TRANK1: variants seen among roughly 807,000 people sequenced by gnomAD.
TRANK1 encodes the protein TPR and ankyrin repeat-containing protein 1.
A neutral mutation model predicts 266.0 loss-of-function variants in TRANK1; 198 were observed. The ratio of observed to expected loss-of-function variants is 0.74; its 90% CI spans 0.66 to 0.84. TRANK1 has a LOEUF of 0.84. Ranked by LOEUF, TRANK1 falls within the 40% of genes least tolerant of loss-of-function variation. The pLI is 0.00. For synonymous variants in TRANK1, 1,396 were observed against 1,384.1 expected (o/e 1.01, Z -0.19); for missense variants, 3,326 against 3,634.6 (o/e 0.92, Z 2.18).
chr3:36,908,163 C>G (rs934849504), intron 2 of TRANK1, among the ~76,000 whole-genome samples, 160 bp downstream of exon 2: 3 of 152,156 alleles, frequency 2.0e-5, no homozygotes, highest in Admixed American at 6.5e-5. Context: ...TTACACAATC[C>G]CTGTTCACTT....
At chr3:36,872,507 A>G (rs920097338) in intron 9 of TRANK1, among the ~76,000 whole-genome samples, 1 of 152,244 alleles carries the variant, frequency 6.6e-6, no homozygotes, top group South Asian at 2.1e-4. Context: ...TTTAAATGCA[A>G]TTCAAGAAGA....
At position 36,832,942 on chromosome 3, in the gene TRANK1, C is replaced by T. The variant is rs763908948; in HGVS notation, c.6641G>A (p.Arg2214Gln). The T allele has an allele frequency of 1.1e-5, 17 of 1,612,546 alleles. No individual in the cohort carries two copies. In the African/African-American group the frequency reaches 1.2e-4, roughly 11 times the overall value. ...ENCEHFHRPL[R>Q]RCEAKCLVQS... ...AACTAAACACTTGGCTTCACAACGC[C>T]GCAGAGGCCTGTGAAAATGTTCACA... Residue 2214 changes from arginine to glutamine, a missense_variant, in exon 22 of 24, where the codon CGG becomes CAG. Transcript: ENST00000645898.
intron 13 of TRANK1, among the ~76,000 whole-genome samples, chr3:36,854,256 A>G (rs1049652879): frequency 1.6e-4 from 24 of 152,086 alleles, no homozygotes; most frequent in Non-Finnish European, 2.9e-4. Context: ...GCTACTTGGG[A>G]GGCTGAGGCA....
At chr3:36,892,755 CAGG>C (rs769866320) in intron 6 of TRANK1, 143 bp downstream of exon 6, 19 of 259,044 alleles carry the variant, frequency 7.3e-5, no homozygotes, top group African/African-American at 1.1e-4. Context: ...TGCTTCAACC[CAGG>C]AGGAGGAGGT....
rs376891105 is a variant in TRANK1 at position 36,874,133 on chromosome 3, G to C, written c.1071C>G (p.Asp357Glu). ...HLEKLATCSKDLSGFSNGDGP... is the reference protein window; with the variant it reads ...HLEKLATCSKELSGFSNGDGP... The stretch of plus-strand genomic sequence containing the variant: ...ATACACTGGAAGCTGTACCTGATAG[G>C]TCCTTAGAACACGTAGCTAGCTTTT... Residue 357 changes from aspartate (D) to glutamate (E), a missense_variant, in exon 9 of 24, where the codon GAC (aspartate) becomes GAG (glutamate). Coordinates refer to ENST00000645898, the MANE Select transcript of TRANK1 (RefSeq NM_001329998.2). 11 of 1,536,822 alleles carry C rather than the reference G, an allele frequency of 7.2e-6. No homozygotes were observed. Among genetic ancestry groups the C allele is most frequent in the Middle Eastern group, 1.7e-4 (1 of 5,986 alleles).
intron 1 of TRANK1, among the ~76,000 whole-genome samples, chr3:36,916,134 AAT>A (rs1473238630): frequency 2.6e-5 from 4 of 152,234 alleles, no homozygotes; most frequent in Non-Finnish European, 5.9e-5. Flanking sequence ...GTACATTTGA[AAT>A]ATGACTAGTA....
rs767977020 is a variant in TRANK1, at chr3:36,832,098, C to T, written c.7485G>A (p.Lys2495=). 1 of 1,614,022 alleles carries T rather than the reference C, an allele frequency of 6.2e-7. No homozygotes were observed. The highest frequency in any genetic ancestry group is 8.5e-7 in the Non-Finnish European group (1 of 1,179,892). Residue 2495 remains lysine (K), a synonymous_variant, in exon 22 of 24, where the codon AAG becomes AAA. Transcript: ENST00000645898. ...LLHYWEFLFS[K]KDKELGDVFS... ...ACACATCCCCAAGCTCCTTGTCCTT[C>T]TTGCTAAACAGGAACTCCCAGTAGT...
chr3:36,929,700 A>G (rs1478790087), intron 1 of TRANK1, among the ~76,000 whole-genome samples: 5 of 152,206 alleles, frequency 3.3e-5, no homozygotes, highest in African/African-American at 9.7e-5. Context: ...AACTATGAAT[A>G]TATTACATTA....
At chr3:36,870,860 G>T (rs2079297032) in intron 9 of TRANK1, among the ~76,000 whole-genome samples, 2 of 150,884 alleles carry the variant, frequency 1.3e-5, no homozygotes, top group African/African-American at 4.9e-5. Context: ...ACATTTAACT[G>T]GTGAAGGAAA....
intron 8 of TRANK1, chr3:36,880,278 A>C (rs955453994): frequency 1.7e-5 from 6 of 358,980 alleles, no homozygotes; most frequent in African/African-American, 1.1e-4. Flanking sequence ...TGCCAGCATC[A>C]AGTTGGCCCC....
In TRANK1 at chr3:36,834,778, C is replaced by T; in HGVS notation, c.5647G>A (p.Ala1883Thr). The T allele has an allele frequency of 6.2e-7, 1 of 1,612,170 alleles. No individual in the cohort carries two copies. Among genetic ancestry groups the T allele is most frequent in the Non-Finnish European group, 8.5e-7 (1 of 1,179,352 alleles). Residue 1883 changes from alanine (A) to threonine (T), a missense_variant, in exon 21 of 24, where the codon GCT (alanine) becomes ACT (threonine). Coordinates refer to ENST00000645898, the MANE Select transcript of TRANK1 (RefSeq NM_001329998.2). ...ACCACCTACTTTTCCACTGCAATAG[C>T]AGCTTCTTCAAAAAGCTCCTCTTGG... ...YCQEELFEEA[A>T]IAVEKYEEML...
intron 4 of TRANK1, among the ~76,000 whole-genome samples, chr3:36,897,296 C>T (rs1339223013): frequency 1.3e-5 from 2 of 152,180 alleles, no homozygotes; most frequent in Non-Finnish European, 2.9e-5. Flanking sequence ...CAGAGCAAGA[C>T]ACCGTCTCAA....
intron 1 of TRANK1, among the ~76,000 whole-genome samples, chr3:36,917,514 C>A (rs2080143251): frequency 6.6e-6 from 1 of 152,136 alleles, no homozygotes; most frequent in Admixed American, 6.5e-5. Flanking sequence ...GTACCAGGAC[C>A]AGGAAAGATC....
In TRANK1 at chr3:36,855,869, T is replaced by G. The variant is rs574118143; in HGVS notation, c.3853A>C (p.Ile1285Leu). The G allele has an allele frequency of 6.2e-7, 1 of 1,613,718 alleles. No homozygotes were observed. The highest frequency in any genetic ancestry group is 1.1e-5 in the South Asian group (1 of 91,070). ...TCTTCATCCTCTTGCCAACTAGGAA[T>G]GGTTGACTCTTCCTGTGCAGACCAT... ...IGWSAQEEST[I>L]PSWQEDEEEA... The change falls in exon 13 of 24, where the codon ATT becomes CTT. Residue 1285 changes from isoleucine to leucine, a missense_variant. By Grantham distance (5) the Ile-to-Leu change is conservative. Coordinates refer to ENST00000645898, the MANE Select transcript of TRANK1 (RefSeq NM_001329998.2).
intron 17 of TRANK1, among the ~76,000 whole-genome samples, chr3:36,844,607 T>C (rs951044959): frequency 2.0e-5 from 3 of 152,216 alleles, no homozygotes; most frequent in Non-Finnish European, 4.4e-5. Flanking sequence ...AGAATGCCCA[T>C]GCTAGGCCAA....
Position 36,892,985 on chromosome 3 carries a change from C to A in TRANK1, c.553-1G>T. 6.7e-7 allele frequency: 1 copy of A among 1,495,608 alleles called. No individual in the cohort carries two copies. 92.6% of individuals were successfully genotyped at this position (1,495,608 alleles called of 1,614,324 possible). A position where few individuals can be genotyped will look rare whatever the true frequency, so the allele number is the denominator to read the frequency against. ...TTTTTGCTGACAGAAGCAGAAATGACTGGTGGGAGAAGACAGAAAAGGCTG... is the reference window on the plus strand; with the variant it reads ...TTTTTGCTGACAGAAGCAGAAATGAATGGTGGGAGAAGACAGAAAAGGCTG... On this transcript the variant is annotated splice_acceptor_variant, in intron 5 of 23. Transcript: ENST00000645898. LOFTEE classifies it high-confidence loss of function.
chr3:36,915,197 C>T (rs530834625), intron 1 of TRANK1, among the ~76,000 whole-genome samples: 12 of 151,738 alleles, frequency 7.9e-5, no homozygotes, highest in Non-Finnish European at 1.3e-4. Flanking sequence ...GTGATCCACC[C>T]GCCTTGGCCT....
At chr3:36,917,212 C>T (rs1425516161) in intron 1 of TRANK1, among the ~76,000 whole-genome samples, 1 of 152,058 alleles carries the variant, frequency 6.6e-6, no homozygotes, top group Non-Finnish European at 1.5e-5. Flanking sequence ...TATTGCAATA[C>T]CACTGCATCT....
chr3:36,892,414 T>A, intron 6 of TRANK1, 74 bp from the exon 7 acceptor site: 2 of 1,497,344 alleles, frequency 1.3e-6, no homozygotes, highest in Non-Finnish European at 8.9e-7. Flanking sequence ...CCTTTACCCA[T>A]AAAGTATGGA....
Sources: gnomAD v4.1 joint callset for allele counts (sites outside exome capture counted in the v4.1 genomes callset) on GRCh38, gnomAD v4.1.1 for gene constraint, MANE v1.5 for transcripts, NCBI Gene and HGNC (gene_info 2026-07-23, HGNC 2026-07-21) for gene names.